The following KCNQ1 variants were observed in gnomAD, a reference collection of about 807,000 sequenced individuals.
The protein encoded by KCNQ1 is potassium voltage-gated channel subfamily KQT member 1.
A neutral mutation model predicts 72.4 loss-of-function variants in KCNQ1; 49 were observed. That is an observed-to-expected ratio of 0.68 (90% CI 0.54 to 0.86). The LOEUF is 0.86. KCNQ1 is among the 40% of genes least tolerant of loss of function. KCNQ1 has a pLI of 0.00. For synonymous variants in KCNQ1, 450 were observed against 412.6 expected (o/e 1.09, Z -1.10); for missense variants, 790 against 945.1 (o/e 0.84, Z 2.15).
intron 2 of KCNQ1, among the ~76,000 whole-genome samples, chr11:2,557,174 A>G (rs935461353): frequency 6.6e-6 from 1 of 152,238 alleles, no homozygotes; most frequent in Non-Finnish European, 1.5e-5. Flanking sequence ...GAGAAAAAAC[A>G]GGGAGATCAG....
intron 10 of KCNQ1, chr11:2,656,777 A>C (rs2133849821): frequency 2.5e-6 from 1 of 398,614 alleles, no homozygotes; most frequent in East Asian, 3.6e-5. Flanking sequence ...TTTAAAAAAA[A>C]CCATCCTAAT....
In KCNQ1 at chr11:2,508,666, T is replaced by A. The variant is rs1847145320; in HGVS notation, c.387-19262T>A. On this transcript the variant is annotated intron_variant, in intron 1 of 15. Coordinates refer to ENST00000155840, the MANE Select transcript of KCNQ1 (RefSeq NM_000218.3). The surrounding 1 kb of genome is among the most constrained non-coding windows in gnomAD (Gnocchi z 6.2). ...TGTGGGTGACCCAGATATCCTGTTG[T>A]TGCTCAGAGACCCCCAGGGAATCCT... is the stretch of plus-strand genomic sequence containing the variant. 6.6e-6 allele frequency among the ~76,000 whole-genome samples: 1 copy of A among 152,162 alleles called. No homozygotes were observed. The highest frequency in any genetic ancestry group is 6.5e-5 in the Admixed American group (1 of 15,288).
intron 12 of KCNQ1, among the ~76,000 whole-genome samples, chr11:2,775,231 A>G (rs1846670482): frequency 6.6e-6 from 1 of 152,206 alleles, no homozygotes; most frequent in African/African-American, 2.4e-5. Flanking sequence ...GTTTCCTGAT[A>G]TCATGAGATG....
chr11:2,504,676 G>A (rs942515115), intron 1 of KCNQ1, among the ~76,000 whole-genome samples: 9 of 152,308 alleles, frequency 5.9e-5, no homozygotes, highest in Admixed American at 3.3e-4. Flanking sequence ...AGAATCACTC[G>A]AACTCAGGAG....
At chr11:2,701,635 A>G (rs1248219275) in intron 11 of KCNQ1, among the ~76,000 whole-genome samples, 1 of 152,182 alleles carries the variant, frequency 6.6e-6, no homozygotes, top group East Asian at 1.9e-4. Flanking sequence ...TGAGGGGAAA[A>G]TGGAGCTTGG....
rs1849677516 is a variant in KCNQ1, at chr11:2,647,059, G to C, written c.1394-14902G>C. On this transcript the variant is annotated intron_variant, in intron 10 of 15. Coordinates refer to ENST00000155840, the MANE Select transcript of KCNQ1 (RefSeq NM_000218.3). The surrounding 1 kb of genome is among the most constrained non-coding windows in gnomAD (Gnocchi z 4.0). ...TAGTGAAAGTGGGCATCCTTGTCTT[G>C]TTCTAGTTCTAAGAGAGAAGGTGTT... is the stretch of plus-strand genomic sequence containing the variant. 2.5e-6 allele frequency: 1 copy of C among 398,424 alleles called. No individual in the cohort carries two copies. Among genetic ancestry groups the C allele is most frequent in the Admixed American group, 4.4e-5 (1 of 22,708 alleles). The allele number at this position is 398,424 out of a possible 1,614,324, so 24.7% of individuals were successfully genotyped here. A position where few individuals can be genotyped will look rare whatever the true frequency, so the allele number is the denominator to read the frequency against.
Position 2,674,831 on chromosome 11 carries a change from T to TAA in KCNQ1, c.1514+12750_1514+12751insAA, listed in dbSNP as rs1564854123. 282 of 367,794 alleles carry TAA rather than the reference T, an allele frequency of 7.7e-4. 5 individuals carry two copies. The highest frequency in any genetic ancestry group is 4.8e-3 in the African/African-American group (186 of 38,648). The allele number at this position is 367,794 out of a possible 1,614,324, so 22.8% of individuals were successfully genotyped here. ...GGCTTGTCACCCTAATAGCTGTTTTTTAAAAAAAAAAAAAAAAAAAAAAAA... is the reference window on the plus strand; with the variant it reads ...GGCTTGTCACCCTAATAGCTGTTTTTAATAAAAAAAAAAAAAAAAAAAAAAAA... On this transcript the variant is annotated intron_variant, in intron 11 of 15. Transcript: ENST00000155840. The surrounding 1 kb of genome is among the most constrained non-coding windows in gnomAD (Gnocchi z 5.9).
intron 15 of KCNQ1, among the ~76,000 whole-genome samples, chr11:2,820,930 A>G (rs181527575): frequency 5.3e-5 from 8 of 152,112 alleles, no homozygotes; most frequent in Non-Finnish European, 1.5e-5. Context: ...CCCCACCTCC[A>G]TTGCTGCTCA....
chr11:2,718,003 G>A (rs533786989), intron 11 of KCNQ1, among the ~76,000 whole-genome samples: 14 of 152,344 alleles, frequency 9.2e-5, no homozygotes, highest in Admixed American at 3.3e-4. Flanking sequence ...TGCGTCTGTC[G>A]CAGAAGTGAA....
intron 15 of KCNQ1, among the ~76,000 whole-genome samples, chr11:2,838,974 G>A (rs76274312): frequency 0.041 from 6,263 of 152,180 alleles, 186 homozygotes; most frequent in Admixed American, 0.09. Flanking sequence ...CCCCCAAACA[G>A]AGGCCGATGG....
At chr11:2,844,881 A>G (rs1404960437) in intron 15 of KCNQ1, among the ~76,000 whole-genome samples, 1 of 152,244 alleles carries the variant, frequency 6.6e-6, no homozygotes, top group African/African-American at 2.4e-5. Flanking sequence ...CTGCACAGTT[A>G]GTGACAGTAA....
chr11:2,704,582 C>T lies in KCNQ1; in HGVS notation c.1514+42501C>T, dbSNP rs930871632. 6.6e-6 allele frequency among the ~76,000 whole-genome samples: 1 copy of T among 152,146 alleles called. No individual in the cohort carries two copies. Among genetic ancestry groups the T allele is most frequent in the Non-Finnish European group, 1.5e-5 (1 of 68,026 alleles). On this transcript the variant is annotated intron_variant, in intron 11 of 15. Coordinates refer to ENST00000155840, the MANE Select transcript of KCNQ1 (RefSeq NM_000218.3). The surrounding 1 kb of genome is among the most constrained non-coding windows in gnomAD (Gnocchi z 4.3). ...CAGTGCCAAGGATCAGATCTCCCTT[C>T]TAGAAAGGTCACTCTGGCTGCTGAA...
At chr11:2,641,705 C>T (rs1849579785) in intron 10 of KCNQ1, 1 of 398,292 alleles carries the variant, frequency 2.5e-6, no homozygotes, top group Non-Finnish European at 4.4e-6. Context: ...TAAAATCTTT[C>T]CCTAGACCAA....
In KCNQ1 at chr11:2,647,388, T is replaced by A. The variant is rs1378378808; in HGVS notation, c.1394-14573T>A. On this transcript the variant is annotated intron_variant, in intron 10 of 15. Coordinates refer to ENST00000155840, the MANE Select transcript of KCNQ1 (RefSeq NM_000218.3). This position sits in a 1 kb window ranked among gnomAD's most constrained non-coding sequence, Gnocchi z 4.0. ...TGGATTCAGATTGCTAGTTTGTGTG[T>A]CTGTGTGTGTGTTTTGTTTCTGAGG... The A allele has an allele frequency of 2.5e-6, 1 of 398,520 alleles. No homozygotes were observed. The highest frequency in any genetic ancestry group is 4.4e-6 in the Non-Finnish European group (1 of 226,066). 24.7% of individuals were successfully genotyped at this position (398,520 alleles called of 1,614,324 possible). A position where few individuals can be genotyped will look rare whatever the true frequency, so the allele number is the denominator to read the frequency against.
chr11:2,586,097 G>A (rs918595858), intron 8 of KCNQ1, among the ~76,000 whole-genome samples: 5 of 152,208 alleles, frequency 3.3e-5, no homozygotes, highest in Admixed American at 1.3e-4. Context: ...GGGCGTTGCC[G>A]GGTTGAATGA....
At chr11:2,774,219 A>T (rs1240585463) in intron 12 of KCNQ1, among the ~76,000 whole-genome samples, 1 of 152,218 alleles carries the variant, frequency 6.6e-6, no homozygotes, top group Admixed American at 6.5e-5. Context: ...AGACCTGAGG[A>T]TGTTATTACT....
chr11:2,823,058 A>T (rs1847770518), intron 15 of KCNQ1, among the ~76,000 whole-genome samples: 1 of 152,222 alleles, frequency 6.6e-6, no homozygotes, highest in Non-Finnish European at 1.5e-5. Context: ...CTGCTATTGG[A>T]AGTTCCAGAA....
At chr11:2,693,596 A>G in intron 11 of KCNQ1, 1 of 398,658 alleles carries the variant, frequency 2.5e-6, no homozygotes, top group Non-Finnish European at 4.4e-6. Context: ...ATGAGGCCAC[A>G]TTTAAATTGC....
chr11:2,551,693 G>A (rs142204871), intron 2 of KCNQ1, among the ~76,000 whole-genome samples: 12 of 152,324 alleles, frequency 7.9e-5, no homozygotes, highest in African/African-American at 2.6e-4. Flanking sequence ...TTGCAAAATG[G>A]TAGGCCCGTT....
Sources: gnomAD v4.1 joint callset for allele counts (sites outside exome capture counted in the v4.1 genomes callset) on GRCh38, gnomAD v4.1.1 for gene constraint, Gnocchi (gnomAD v3.1) non-coding constraint, MANE v1.5 for transcripts, NCBI Gene and HGNC (gene_info 2026-07-23, HGNC 2026-07-21) for gene names.